ZNF804A: variants seen among roughly 807,000 people sequenced by gnomAD.
The protein encoded by ZNF804A is zinc finger protein 804A.
Under a neutral mutation model 16.5 loss-of-function variants are expected in ZNF804A, and 2 were observed. The ratio of observed to expected loss-of-function variants is 0.12; its 90% confidence interval spans 0.05 to 0.38. The LOEUF (loss-of-function observed/expected upper bound fraction) is 0.38, where lower values mean the gene tolerates loss of function less well. ZNF804A is among the 10% of genes least tolerant of loss of function. The probability of loss-of-function intolerance (pLI) is 0.99; values close to 1 mark genes in which losing one functional copy is unlikely to be tolerated. For synonymous variants in ZNF804A, 534 were observed against 489.6 expected (o/e 1.09, Z -1.20); for missense variants, 1,473 against 1,390.7 (o/e 1.06, Z -0.94).
At chr2:184,615,042 A>G (rs1164960181) in intron 1 of ZNF804A, among the ~76,000 whole-genome samples, 1 of 152,198 alleles carries the variant, frequency 6.6e-6, no homozygotes, top group African/African-American at 2.4e-5. Context: ...TTGGATATAT[A>G]CCCAAAGGAT....
chr2:184,851,925 CT>C (rs1305540670), intron 1 of ZNF804A, among the ~76,000 whole-genome samples: 2 of 151,830 alleles, frequency 1.3e-5, no homozygotes, highest in Non-Finnish European at 2.9e-5. Flanking sequence ...TTGCATTTCT[CT>C]GATGATTAGT....
In ZNF804A at chr2:184,675,149, G is replaced by A. The variant is rs145348038; in HGVS notation, c.111+76079G>A. Among the ~76,000 whole-genome samples, 443 of 151,932 alleles carry A rather than the reference G, an allele frequency of 2.9e-3. 2 individuals are homozygous for A. The highest frequency in any genetic ancestry group is 1.0e-2 in the African/African-American group (414 of 41,542). On this transcript the variant is annotated intron_variant, in intron 1 of 3. Coordinates refer to ENST00000302277, the MANE Select transcript of ZNF804A (RefSeq NM_194250.2). ...AGTTATGAATGTATATATAGATGTA[G>A]ATGCATGTGTATACCTACCTATGTG... is the stretch of plus-strand genomic sequence containing the variant.
At chr2:184,852,153 A>T (rs1385358586) in intron 1 of ZNF804A, among the ~76,000 whole-genome samples, 1 of 151,780 alleles carries the variant, frequency 6.6e-6, no homozygotes, top group Non-Finnish European at 1.5e-5. Context: ...ATTTTCCAAG[A>T]TCTACAGTGG....
intron 1 of ZNF804A, among the ~76,000 whole-genome samples, chr2:184,609,719 T>C (rs1371257915): frequency 1.3e-5 from 2 of 152,232 alleles, no homozygotes; most frequent in African/African-American, 4.8e-5. Flanking sequence ...AGTAATCGCA[T>C]GCATGAGGGT....
At chr2:184,844,983 T>A (rs931577194) in intron 1 of ZNF804A, among the ~76,000 whole-genome samples, 2 of 152,026 alleles carry the variant, frequency 1.3e-5, no homozygotes, top group African/African-American at 4.8e-5. Flanking sequence ...CAGATTCTAT[T>A]GGCACATGGT....
chr2:184,774,761 A>G (rs1235826239), intron 1 of ZNF804A, among the ~76,000 whole-genome samples: 1 of 151,706 alleles, frequency 6.6e-6, no homozygotes, highest in Non-Finnish European at 1.5e-5. Context: ...AGGTAGTGTT[A>G]ATGAGGGAGG....
chr2:184,902,739 A>G (rs1244801116), intron 2 of ZNF804A, among the ~76,000 whole-genome samples: 1 of 152,128 alleles, frequency 6.6e-6, no homozygotes, highest in African/African-American at 2.4e-5. Context: ...TATAAAAACC[A>G]TAAATCTTGT....
Position 184,936,699 on chromosome 2 carries a change from A to G in ZNF804A, c.1303A>G (p.Thr435Ala), listed in dbSNP as rs1685793992. 8.7e-6 allele frequency: 14 copies of G among 1,613,748 alleles called. No individual in the cohort carries two copies. The highest frequency in any genetic ancestry group is 1.2e-5 in the Non-Finnish European group (14 of 1,179,846). ...FVPVLNKHRS[T>A]VLQWPSEMLV... is the part of the protein sequence containing the mutation. ...ACCTGTCCTTAACAAACACAGATCT[A>G]CAGTTCTTCAGTGGCCATCAGAAAT... The change falls in exon 4 of 4, where the codon ACA becomes GCA. Residue 435 changes from threonine (T) to alanine (A), a missense_variant. Thr to Ala is a moderately conservative substitution (Grantham distance 58). Transcript: ENST00000302277.
chr2:184,749,593 G>A (rs1398568581), intron 1 of ZNF804A, among the ~76,000 whole-genome samples: 1 of 151,030 alleles, frequency 6.6e-6, no homozygotes, highest in African/African-American at 2.4e-5. Flanking sequence ...CATTACTCTG[G>A]CGAGGGATTC....
chr2:184,906,640 G>A (rs903998322), intron 2 of ZNF804A, among the ~76,000 whole-genome samples: 3 of 151,944 alleles, frequency 2.0e-5, no homozygotes, highest in Non-Finnish European at 2.9e-5. Flanking sequence ...ATTCTCTGTG[G>A]TAGGTGGGAT....
intron 1 of ZNF804A, among the ~76,000 whole-genome samples, chr2:184,823,797 T>TA (rs1695120033): frequency 2.6e-5 from 4 of 152,160 alleles, no homozygotes; most frequent in Admixed American, 2.6e-4. Context: ...TCTTGTGAGA[T>TA]AAAATATGTT....
chr2:184,674,525 A>G (rs1353125806), intron 1 of ZNF804A, among the ~76,000 whole-genome samples: 1 of 151,874 alleles, frequency 6.6e-6, no homozygotes, highest in Non-Finnish European at 1.5e-5. Flanking sequence ...TACATTATAA[A>G]TAATAGTGAA....
At chr2:184,650,980 C>T (rs1340498719) in intron 1 of ZNF804A, among the ~76,000 whole-genome samples, 7 of 152,026 alleles carry the variant, frequency 4.6e-5, no homozygotes, top group Non-Finnish European at 8.8e-5. Context: ...CCTGAATAGC[C>T]AAAGCAATCC....
In ZNF804A at chr2:184,849,356, A is replaced by G. The variant is rs1017156014; in HGVS notation, c.112-17013A>G. Among the ~76,000 whole-genome samples, 6 of 152,130 alleles carry G rather than the reference A, an allele frequency of 3.9e-5. No individual in the cohort carries two copies. The South Asian group carries it at 6.2e-4, about 16-fold the overall frequency. On this transcript the variant is annotated intron_variant, in intron 1 of 3. Coordinates refer to ENST00000302277, the MANE Select transcript of ZNF804A (RefSeq NM_194250.2). ...GCAGTCAGAAAGGTGACAAAAGCAAACTTTGGGGAAATGACAGTCTCTTAA... is the reference window on the plus strand; with the variant it reads ...GCAGTCAGAAAGGTGACAAAAGCAAGCTTTGGGGAAATGACAGTCTCTTAA...
intron 1 of ZNF804A, among the ~76,000 whole-genome samples, chr2:184,817,610 G>T (rs1481466609): frequency 6.6e-6 from 1 of 151,984 alleles, no homozygotes; most frequent in Non-Finnish European, 1.5e-5. Flanking sequence ...GAGCTTTGCT[G>T]AGCCAAAGGA....
intron 1 of ZNF804A, among the ~76,000 whole-genome samples, chr2:184,833,715 A>C (rs1695300955): frequency 6.6e-6 from 1 of 152,012 alleles, no homozygotes; most frequent in East Asian, 1.9e-4. Context: ...AGGGAATGTA[A>C]TTCTCAAAAC....
intron 1 of ZNF804A, among the ~76,000 whole-genome samples, chr2:184,689,199 C>T (rs1692690514): frequency 6.6e-6 from 1 of 152,112 alleles, no homozygotes; most frequent in Non-Finnish European, 1.5e-5. Context: ...TTCGTCTCTG[C>T]TCCAGCCATC....
At chr2:184,734,274 A>G (rs952410406) in intron 1 of ZNF804A, among the ~76,000 whole-genome samples, 3 of 152,088 alleles carry the variant, frequency 2.0e-5, no homozygotes, top group African/African-American at 4.8e-5. Context: ...GTTGAATTTT[A>G]CATCTTTTTG....
Position 184,912,943 on chromosome 2 carries a change from C to A in ZNF804A, c.256-20660C>A, listed in dbSNP as rs117971428. ...CAATTGTTTAATTTTAATGAAGTCCCATTAATATATTTTTCTTTTGTTGCT... is the reference window on the plus strand; with the variant it reads ...CAATTGTTTAATTTTAATGAAGTCCAATTAATATATTTTTCTTTTGTTGCT... On this transcript the variant is annotated intron_variant, in intron 2 of 3. Coordinates refer to ENST00000302277, the MANE Select transcript of ZNF804A (RefSeq NM_194250.2). 2.5e-4 allele frequency among the ~76,000 whole-genome samples: 38 copies of A among 152,076 alleles called. 1 individual carries two copies. The East Asian group carries it at 7.2e-3, about 29-fold the overall frequency.
Sources: allele counts gnomAD v4.1 joint callset (sites outside exome capture counted in the v4.1 genomes callset), GRCh38; gene constraint gnomAD v4.1.1; transcripts MANE v1.5; gene names NCBI Gene and HGNC (gene_info 2026-07-23, HGNC 2026-07-21).